Variants in PDF observed in about 807,000 individuals in gnomAD.
PDF encodes the protein peptide deformylase-like protein.
A neutral mutation model predicts 20.3 loss-of-function variants in PDF; 31 were observed. The ratio of observed to expected loss-of-function variants is 1.52; its 90% CI spans 1.15 to 2.06. The LOEUF is 2.06. PDF is among the 30% of genes most tolerant of loss of function. The pLI, the probability that PDF is intolerant of heterozygous loss-of-function variation, is 0.00. For missense variants in PDF, 447 were observed against 362.5 expected, an observed-to-expected ratio of 1.23 and a Z score of -1.89; for synonymous variants, 254 against 172.0, an observed-to-expected ratio of 1.48 and a Z score of -3.73.
In PDF at chr16:69,328,876, C is replaced by A. The variant is rs1055399; in HGVS notation, c.*146G>T. The stretch of plus-strand genomic sequence containing the variant: ...TCAGGGCAAACATTTCTGACATCTT[C>A]CTCCAGCTCAGTCTGCCATGCCTTG... On this transcript the variant is annotated 3_prime_UTR_variant, in exon 2 of 2. Transcript: ENST00000288022. The A allele has an allele frequency of 0.069, 72,113 of 1,047,084 alleles. 2,907 individuals carry two copies. Among genetic ancestry groups the A allele is most frequent in the South Asian group, 0.15 (8,753 of 60,256 alleles). The allele number at this position is 1,047,084 out of a possible 1,614,324, so 64.9% of individuals were successfully genotyped here.
rs945282671 is a variant in PDF, at chr16:69,330,383, G to A, written c.188C>T (p.Pro63Leu). ...CCCGACTTGGCACACGTGCGAGAAC[G>A]GCGGTTCGGGAGGACCCAGCACCAG... The part of the protein sequence containing the change: ...RRLVLGPPEP[P>L]FSHVCQVGDP... Residue 63 changes from proline to leucine, a missense_variant, in exon 1 of 2, where the codon CCG becomes CTG. Transcript: ENST00000288022. The A allele has an allele frequency of 7.4e-6, 11 of 1,479,142 alleles. No individual in the cohort carries two copies. Among genetic ancestry groups the A allele is most frequent in the Non-Finnish European group, 9.8e-6 (11 of 1,122,896 alleles). 91.6% of individuals were successfully genotyped at this position (1,479,142 alleles called of 1,614,324 possible).
chr16:69,329,008 C>A lies in PDF; in HGVS notation c.*14G>T. The A allele has an allele frequency of 6.2e-7, 1 of 1,600,396 alleles. No homozygotes were observed. The highest frequency in any genetic ancestry group is 1.1e-5 in the South Asian group (1 of 88,996). On this transcript the variant is annotated 3_prime_UTR_variant, in exon 2 of 2. Coordinates refer to ENST00000288022, the MANE Select transcript of PDF (RefSeq NM_022341.2). Reference sequence around the variant, plus strand: ...GTCTTGGTATCCGGAATCCTCAGCCCCAGTAGCAAAGCTTTAGTCATTCAC... The same window carrying A: ...GTCTTGGTATCCGGAATCCTCAGCCACAGTAGCAAAGCTTTAGTCATTCAC...
Position 69,330,252 on chromosome 16 carries a change from G to A in PDF, c.319C>T (p.Arg107Cys). The change falls in exon 1 of 2, where the codon CGC (arginine) becomes TGC (cysteine). Residue 107 changes from arginine to cysteine, a missense_variant. Coordinates refer to ENST00000288022, the MANE Select transcript of PDF (RefSeq NM_022341.2). ...QRLVQVMRRR[R>C]CVGLSAPQLG... ...TGCGGCGCGCTTAGGCCCACGCAGC[G>A]CCGCCGCCGCATCACCTGGACCAGC... 1 of 1,435,010 alleles carries A rather than the reference G, an allele frequency of 7.0e-7. No individual in the cohort carries two copies. The highest frequency in any genetic ancestry group is 9.1e-7 in the Non-Finnish European group (1 of 1,103,550). 88.9% of individuals were successfully genotyped at this position (1,435,010 alleles called of 1,614,324 possible). A position where few individuals can be genotyped will look rare whatever the true frequency, so the allele number is the denominator to read the frequency against.
Position 69,327,876 on chromosome 16 carries a change from C to G in PDF, c.*1146G>C, listed in dbSNP as rs965510042. The G allele has an allele frequency of 6.8e-6, 1 of 146,572 alleles. No individual in the cohort carries two copies. The highest frequency in any genetic ancestry group is 2.6e-5 in the African/African-American group (1 of 38,192). The allele number at this position is 146,572 out of a possible 1,614,324, so 9.1% of individuals were successfully genotyped here. ...TTAAAAAAAAAATAAAAGAATAAAA[C>G]AAGTTCCTTCACCTCTTGACAAGAC... On this transcript the variant is annotated 3_prime_UTR_variant, in exon 2 of 2. Transcript: ENST00000288022.
Position 69,330,481 on chromosome 16 carries a change from G to A in PDF, c.90C>T (p.Cys30=), listed in dbSNP as rs1281929315. ...GGAAAVGVRA[C]SSTAAPDGVE... ...CGCCGTCCGGGGCGGCCGTGGAGCTGCAAGCCCGGACACCGACGGCTGCCG... is the reference window on the plus strand; with the variant it reads ...CGCCGTCCGGGGCGGCCGTGGAGCTACAAGCCCGGACACCGACGGCTGCCG... The change falls in exon 1 of 2, where the codon TGC becomes TGT. Residue 30 remains cysteine, a synonymous_variant. Transcript: ENST00000288022. 6.1e-6 allele frequency: 9 copies of A among 1,473,632 alleles called. No individual in the cohort carries two copies. The South Asian group carries it at 9.0e-5, about 15-fold the overall frequency. 91.3% of individuals were successfully genotyped at this position (1,473,632 alleles called of 1,614,324 possible).
rs1267416087 is a variant in PDF at position 69,327,893 on chromosome 16, TGACAA to T, written c.*1124_*1128del. 2 of 150,936 alleles carry T rather than the reference TGACAA, an allele frequency of 1.3e-5. No homozygotes were observed. The highest frequency in any genetic ancestry group is 2.4e-5 in the African/African-American group (1 of 41,116). 9.3% of individuals were successfully genotyped at this position (150,936 alleles called of 1,614,324 possible). A position where few individuals can be genotyped will look rare whatever the true frequency, so the allele number is the denominator to read the frequency against. On this transcript the variant is annotated 3_prime_UTR_variant, in exon 2 of 2. Transcript: ENST00000288022. The stretch of plus-strand genomic sequence containing the variant: ...GAATAAAACAAGTTCCTTCACCTCT[TGACAA>T]GACAAAGCTGACACTTTTTTTTTTT...
In PDF at chr16:69,330,317, G is replaced by A. The variant is rs909424592; in HGVS notation, c.254C>T (p.Ala85Val). The A allele has an allele frequency of 1.5e-5, 22 of 1,441,522 alleles. No homozygotes were observed. The highest frequency in any genetic ancestry group is 1.9e-5 in the Non-Finnish European group (21 of 1,105,652). The allele number at this position is 1,441,522 out of a possible 1,614,324, so 89.3% of individuals were successfully genotyped here. A position where few individuals can be genotyped will look rare whatever the true frequency, so the allele number is the denominator to read the frequency against. Residue 85 changes from alanine to valine, a missense_variant, in exon 1 of 2, where the codon GCG becomes GTG. Coordinates refer to ENST00000288022, the MANE Select transcript of PDF (RefSeq NM_022341.2). ...CTGCAGCTCGGGCCCGCCTAGCTGC[G>A]CCCGCTCCACCGGGGCCGCCACGCC... ...LRGVAAPVER[A>V]QLGGPELQRL...
intron 1 of PDF, among the ~76,000 whole-genome samples, chr16:69,329,420 G>A (rs1055947135): frequency 6.6e-6 from 1 of 152,224 alleles, no homozygotes; most frequent in African/African-American, 2.4e-5. Context: ...GAGCTGAGAT[G>A]AGAAATCATC....
rs1385759502 is a variant in PDF, at chr16:69,330,011, G to A, written c.560C>T (p.Ala187Val). 3 of 1,538,966 alleles carry A rather than the reference G, an allele frequency of 1.9e-6. No homozygotes were observed. The highest frequency in any genetic ancestry group is 1.2e-5 in the South Asian group (1 of 83,750). ...GFLACVPRFQ[A>V]VQISGLDPNG... ...GCCGCCCGCACCTGAGATCTGCACC[G>A]CCTGGAAGCGGGGCACGCAGGCCAG... The change falls in exon 1 of 2, where the codon GCG becomes GTG. Residue 187 changes from alanine (A) to valine (V), a missense_variant. By Grantham distance (64) the Ala-to-Val change is moderately conservative. Coordinates refer to ENST00000288022, the MANE Select transcript of PDF (RefSeq NM_022341.2).
At position 69,330,156 on chromosome 16, in the gene PDF, G is replaced by A. The variant is rs758159049; in HGVS notation, c.415C>T (p.Gln139Ter). Reference protein sequence around the residue: ...EALCRECPPRQRALRQMEPFP... With the variant: ...EALCRECPPR ...GGCTCCATTTGGCGGAGCGCGCGCT[G>A]GCGGGGCGGGCACTCCCGACACAGC... The change falls in exon 1 of 2, where the codon CAG becomes TAG. Residue 139 changes from glutamine (Q) to a stop codon, truncating the protein, a stop_gained. Transcript: ENST00000288022. LOFTEE classifies it high-confidence loss of function. The A allele has an allele frequency of 3.9e-6, 6 of 1,539,636 alleles. No individual in the cohort carries two copies. In the African/African-American group the frequency reaches 5.7e-5, roughly 15 times the overall value.
Position 69,330,173 on chromosome 16 carries a change from C to T in PDF, c.398G>A (p.Arg133Gln). The T allele has an allele frequency of 1.3e-6, 2 of 1,515,684 alleles. No homozygotes were observed. The highest frequency in any genetic ancestry group is 1.8e-6 in the Non-Finnish European group (2 of 1,137,136). 93.9% of individuals were successfully genotyped at this position (1,515,684 alleles called of 1,614,324 possible). The part of the protein sequence containing the change: ...LALELPEALC[R>Q]ECPPRQRALR... ...CGCGCGCTGGCGGGGCGGGCACTCC[C>T]GACACAGCGCCTCGGGGAGCTCCAG... The change falls in exon 1 of 2, where the codon CGG becomes CAG. Residue 133 changes from arginine (R) to glutamine (Q), a missense_variant. Physicochemically the swap from Arg to Gln is conservative, Grantham distance 43. Transcript: ENST00000288022.
In PDF at chr16:69,327,303, G is replaced by A. The variant is rs1965625960; in HGVS notation, c.*1719C>T. 1 of 151,618 alleles carries A rather than the reference G, an allele frequency of 6.6e-6. No individual in the cohort carries two copies. The highest frequency in any genetic ancestry group is 1.5e-5 in the Non-Finnish European group (1 of 67,986). The allele number at this position is 151,618 out of a possible 1,614,324, so 9.4% of individuals were successfully genotyped here. ...CCGCCTCAGCCTCCCAAGTAGCTGTGATTACAGGCGCCTACCAGCACACCC... is the reference window on the plus strand; with the variant it reads ...CCGCCTCAGCCTCCCAAGTAGCTGTAATTACAGGCGCCTACCAGCACACCC... On this transcript the variant is annotated 3_prime_UTR_variant, in exon 2 of 2. Coordinates refer to ENST00000288022, the MANE Select transcript of PDF (RefSeq NM_022341.2).
At position 69,328,965 on chromosome 16, in the gene PDF, CA is replaced by C. The variant is rs1965688671; in HGVS notation, c.*56del. ...GATGCCAAGTAAGATTTGCCCAGCT[CA>C]AAGTGAAAGTGTTTGCGTCTTGGTA... On this transcript the variant is annotated 3_prime_UTR_variant, in exon 2 of 2. Transcript: ENST00000288022. 1 of 1,569,668 alleles carries C rather than the reference CA, an allele frequency of 6.4e-7. No individual in the cohort carries two copies. Among genetic ancestry groups the C allele is most frequent in the East Asian group, 2.4e-5 (1 of 42,072 alleles).
At position 69,329,004 on chromosome 16, in the gene PDF, A is replaced by G; in HGVS notation, c.*18T>C. ...TTGCGTCTTGGTATCCGGAATCCTC[A>G]GCCCCAGTAGCAAAGCTTTAGTCAT... On this transcript the variant is annotated 3_prime_UTR_variant, in exon 2 of 2. Transcript: ENST00000288022. 6.3e-7 allele frequency: 1 copy of G among 1,597,468 alleles called. No individual in the cohort carries two copies. The highest frequency in any genetic ancestry group is 1.1e-5 in the South Asian group (1 of 88,564).
Position 69,329,157 on chromosome 16 carries a change from C to T in PDF, c.597G>A (p.Gln199=), listed in dbSNP as rs752727705. ...QISGLDPNGE[Q]VVWQASGWAA... ...CCCACCCGCTCGCCTGCCACACCAC[C>T]TGTTCTCCATTGGGGTCCAGCCCTG... Residue 199 remains glutamine, a synonymous_variant, in exon 2 of 2, where the codon CAG becomes CAA. Coordinates refer to ENST00000288022, the MANE Select transcript of PDF (RefSeq NM_022341.2). 4 of 1,607,366 alleles carry T rather than the reference C, an allele frequency of 2.5e-6. No individual in the cohort carries two copies. Among genetic ancestry groups the T allele is most frequent in the Admixed American group, 1.7e-5 (1 of 59,194 alleles).
rs1451489025 is a variant in PDF at position 69,327,916 on chromosome 16, T to A, written c.*1106A>T. On this transcript the variant is annotated 3_prime_UTR_variant, in exon 2 of 2. Transcript: ENST00000288022. ...CTTGACAAGACAAAGCTGACACTTT[T>A]TTTTTTTGAGACAGAGAAAAAAAGA... is the stretch of plus-strand genomic sequence containing the variant. 1 of 152,152 alleles carries A rather than the reference T, an allele frequency of 6.6e-6. No homozygotes were observed. The highest frequency in any genetic ancestry group is 2.4e-5 in the African/African-American group (1 of 41,428). 9.4% of individuals were successfully genotyped at this position (152,152 alleles called of 1,614,324 possible).
rs1401321330 is a variant in PDF, at chr16:69,328,177, A to G, written c.*845T>C. ...TGGCCAGGCTGGTCTTGAGCTCCTG[A>G]CCTCGTGATCCACCCGCCCCGCCCT... On this transcript the variant is annotated 3_prime_UTR_variant, in exon 2 of 2. Transcript: ENST00000288022. 1 of 152,196 alleles carries G rather than the reference A, an allele frequency of 6.6e-6. No individual in the cohort carries two copies. Among genetic ancestry groups the G allele is most frequent in the African/African-American group, 2.4e-5 (1 of 41,414 alleles). 9.4% of individuals were successfully genotyped at this position (152,196 alleles called of 1,614,324 possible). A position where few individuals can be genotyped will look rare whatever the true frequency, so the allele number is the denominator to read the frequency against.
rs927820215 is a variant in PDF, at chr16:69,330,402, G to A, written c.169C>T (p.Leu57=). ...SYWRHLRRLV[L]GPPEPPFSHV... ...GAGAACGGCGGTTCGGGAGGACCCAGCACCAGACGCCTCAGGTGGCGCCAA... is the reference window on the plus strand; with the variant it reads ...GAGAACGGCGGTTCGGGAGGACCCAACACCAGACGCCTCAGGTGGCGCCAA... Residue 57 remains leucine, a synonymous_variant, in exon 1 of 2, where the codon CTG becomes TTG. Coordinates refer to ENST00000288022, the MANE Select transcript of PDF (RefSeq NM_022341.2). 2 of 1,479,418 alleles carry A rather than the reference G, an allele frequency of 1.4e-6. No individual in the cohort carries two copies. The highest frequency in any genetic ancestry group is 3.0e-5 in the East Asian group (1 of 33,788). The allele number at this position is 1,479,418 out of a possible 1,614,324, so 91.6% of individuals were successfully genotyped here. A position where few individuals can be genotyped will look rare whatever the true frequency, so the allele number is the denominator to read the frequency against.
rs1567429304 is a variant in PDF, at chr16:69,330,428, TAGG to T, written c.140_142del (p.Ser47del). The T allele has an allele frequency of 1.4e-6, 2 of 1,476,034 alleles. No homozygotes were observed. Among genetic ancestry groups the T allele is most frequent in the Non-Finnish European group, 8.9e-7 (1 of 1,121,514 alleles). 91.4% of individuals were successfully genotyped at this position (1,476,034 alleles called of 1,614,324 possible). On this transcript the variant is annotated inframe_deletion, in exon 1 of 2. Transcript: ENST00000288022. ...CACCAGACGCCTCAGGTGGCGCCAA[TAGG>T]AGCGCCGCAGCGCCGGGCCCTCGAC...
Sources: gnomAD v4.1 joint callset for allele counts (sites outside exome capture counted in the v4.1 genomes callset) on GRCh38, gnomAD v4.1.1 for gene constraint, MANE v1.5 for transcripts, NCBI Gene and HGNC (gene_info 2026-07-23, HGNC 2026-07-21) for gene names.